SHISA6: variants seen among roughly 807,000 people sequenced by gnomAD.
The protein encoded by SHISA6 is shisa family member 6.
A neutral mutation model predicts 47.9 loss-of-function variants in SHISA6; 22 were observed. That is an observed-to-expected ratio of 0.46 (90% CI 0.33 to 0.66). The LOEUF (loss-of-function observed/expected upper bound fraction) is 0.66. Among genes scored for constraint, SHISA6 ranks in the 30% least tolerant of loss-of-function variants. SHISA6 has a pLI of 0.02. For synonymous variants in SHISA6, 388 were observed against 337.8 expected (o/e 1.15, Z -1.63); for missense variants, 680 against 764.6 (o/e 0.89, Z 1.30).
At chr17:11,243,009 A>G (rs541293006) in intron 1 of SHISA6, among the ~76,000 whole-genome samples, 1 of 152,066 alleles carries the variant, frequency 6.6e-6, no homozygotes, top group African/African-American at 2.4e-5. Flanking sequence ...ATGGCTGGAC[A>G]TGGTGCAAGA....
At chr17:11,531,101 C>T (rs886461265) in intron 3 of SHISA6, among the ~76,000 whole-genome samples, 1 of 151,984 alleles carries the variant, frequency 6.6e-6, no homozygotes, top group Non-Finnish European at 1.5e-5. Flanking sequence ...AACAAAGAAA[C>T]AGCTCAGATA....
At chr17:11,475,717 T>G (rs1279272166) in intron 3 of SHISA6, among the ~76,000 whole-genome samples, 1 of 152,082 alleles carries the variant, frequency 6.6e-6, no homozygotes, top group Non-Finnish European at 1.5e-5. Context: ...GCATCTATCT[T>G]CATAAGAGAT....
At chr17:11,518,163 C>G (rs1027571885) in intron 3 of SHISA6, among the ~76,000 whole-genome samples, 1 of 152,048 alleles carries the variant, frequency 6.6e-6, no homozygotes, top group African/African-American at 2.4e-5. Context: ...GTCCCACTGC[C>G]ATTTTGCATT....
chr17:11,267,719 G>A (rs1908479348), intron 2 of SHISA6, among the ~76,000 whole-genome samples: 1 of 152,166 alleles, frequency 6.6e-6, no homozygotes, highest in South Asian at 2.1e-4. Flanking sequence ...GATGCAGACT[G>A]GCTAGGCAGA....
At chr17:11,316,235 G>A (rs1287888503) in intron 2 of SHISA6, among the ~76,000 whole-genome samples, 1 of 151,208 alleles carries the variant, frequency 6.6e-6, no homozygotes, top group Non-Finnish European at 1.5e-5. Context: ...TGTTGTGTGG[G>A]CTCATGTGAG....
rs764756429 is a variant in SHISA6 at position 11,241,680 on chromosome 17, C to A, written c.258C>A (p.Ser86Arg). 1 of 1,489,562 alleles carries A rather than the reference C, an allele frequency of 6.7e-7. No homozygotes were observed. Among genetic ancestry groups the A allele is most frequent in the South Asian group, 1.3e-5 (1 of 78,464 alleles). 92.3% of individuals were successfully genotyped at this position (1,489,562 alleles called of 1,614,324 possible). A position where few individuals can be genotyped will look rare whatever the true frequency, so the allele number is the denominator to read the frequency against. ...QPAAAVAAAA[S>R]AAVTYETCWG... The stretch of plus-strand genomic sequence containing the variant: ...CGGCGGCTGTGGCGGCGGCGGCCAG[C>A]GCGGCCGTCACCTACGAGACGTGCT... Residue 86 changes from serine (S) to arginine (R), a missense_variant, in exon 1 of 6, where the codon AGC becomes AGA. By Grantham distance (110) the Ser-to-Arg change is moderately radical. Coordinates refer to ENST00000441885, the MANE Select transcript of SHISA6 (RefSeq NM_207386.4). The surrounding 1 kb of genome is among the most constrained non-coding windows in gnomAD (Gnocchi z 5.5).
chr17:11,464,317 T>A (rs1185881959), intron 3 of SHISA6, among the ~76,000 whole-genome samples: 2 of 152,172 alleles, frequency 1.3e-5, no homozygotes, highest in Non-Finnish European at 1.5e-5. Flanking sequence ...CATCATAAAA[T>A]TGGCTCAATT....
At chr17:11,510,849 T>C (rs1037924290) in intron 3 of SHISA6, among the ~76,000 whole-genome samples, 1 of 152,178 alleles carries the variant, frequency 6.6e-6, no homozygotes, top group Admixed American at 6.5e-5. Flanking sequence ...ATTAGTGTTC[T>C]TGTTAGTGCA....
intron 3 of SHISA6, among the ~76,000 whole-genome samples, chr17:11,469,276 G>A (rs891394183): frequency 3.3e-5 from 5 of 152,138 alleles, no homozygotes; most frequent in African/African-American, 4.8e-5. Flanking sequence ...ACAATAGGGA[G>A]GAAGCAAGAT....
intron 2 of SHISA6, among the ~76,000 whole-genome samples, chr17:11,343,575 T>TG (rs898695280): frequency 1.3e-5 from 2 of 152,180 alleles, no homozygotes; most frequent in South Asian, 2.1e-4. Flanking sequence ...GATGCTGAAC[T>TG]GGGGGGCGTT....
At chr17:11,293,795 C>T (rs1266925340) in intron 2 of SHISA6, among the ~76,000 whole-genome samples, 3 of 152,288 alleles carry the variant, frequency 2.0e-5, no homozygotes, top group Middle Eastern at 3.4e-3. Context: ...AACCGGGTCA[C>T]ACTTGTGAAA....
intron 3 of SHISA6, among the ~76,000 whole-genome samples, chr17:11,430,497 G>T (rs763766801): frequency 1.2e-4 from 18 of 152,162 alleles, no homozygotes; most frequent in Non-Finnish European, 2.5e-4. Context: ...AACTTTTGTT[G>T]TTTGGAGTCA....
chr17:11,320,466 T>A (rs1217202107), intron 2 of SHISA6, among the ~76,000 whole-genome samples: 1 of 152,076 alleles, frequency 6.6e-6, no homozygotes, highest in Non-Finnish European at 1.5e-5. Context: ...AAGACCAGCC[T>A]GGCTAACATG....
intron 3 of SHISA6, among the ~76,000 whole-genome samples, chr17:11,431,145 T>TC (rs1323102221): frequency 6.6e-6 from 1 of 152,070 alleles, no homozygotes; most frequent in African/African-American, 2.4e-5. Context: ...TCTTCTCATG[T>TC]CCCCCCTGAG....
chr17:11,244,700 G>GAATGTACAC (rs1252945894), intron 1 of SHISA6, among the ~76,000 whole-genome samples: 1 of 152,212 alleles, frequency 6.6e-6, no homozygotes, highest in African/African-American at 2.4e-5. Flanking sequence ...GGAGGAGAAA[G>GAATGTACAC]AATGTACACT....
intron 3 of SHISA6, among the ~76,000 whole-genome samples, chr17:11,450,995 T>TAAAAAAAAAAAAAA (rs757372845): frequency 8.1e-6 from 1 of 123,060 alleles, no homozygotes. Context: ...AATAGAAAAT[T>TAAAAAAAAAAAAAA]AAAAAAAAAA....
At chr17:11,281,225 G>C (rs1383178282) in intron 2 of SHISA6, among the ~76,000 whole-genome samples, 1 of 152,062 alleles carries the variant, frequency 6.6e-6, no homozygotes, top group East Asian at 1.9e-4. Flanking sequence ...TCAAAGTGGT[G>C]ACAACTTATT....
intron 1 of SHISA6, among the ~76,000 whole-genome samples, 168 bp from the exon 2 acceptor site, chr17:11,263,198 C>T (rs1316695838): frequency 3.9e-5 from 6 of 152,054 alleles, no homozygotes; most frequent in East Asian, 1.9e-4. Context: ...TACCCTGTGT[C>T]CCCCCTGAGA....
At chr17:11,282,101 C>T (rs1275989661) in intron 2 of SHISA6, among the ~76,000 whole-genome samples, 1 of 152,216 alleles carries the variant, frequency 6.6e-6, no homozygotes, top group Non-Finnish European at 1.5e-5. Flanking sequence ...AACCTTTCCT[C>T]ATCTTCCTCA....
Sources: gnomAD v4.1 joint callset for allele counts (sites outside exome capture counted in the v4.1 genomes callset) on GRCh38, gnomAD v4.1.1 for gene constraint, Gnocchi (gnomAD v3.1) non-coding constraint, MANE v1.5 for transcripts, NCBI Gene and HGNC (gene_info 2026-07-23, HGNC 2026-07-21) for gene names.